KLHL1: variants seen among roughly 807,000 people sequenced by gnomAD.
KLHL1 encodes the protein kelch like family member 1.
Under a neutral mutation model 77.7 loss-of-function variants are expected in KLHL1, and 47 were observed. The ratio of observed to expected loss-of-function variants is 0.60; its 90% CI spans 0.48 to 0.77. KLHL1 has a LOEUF of 0.77. Among genes scored for constraint, KLHL1 ranks in the 30% least tolerant of loss-of-function variants. KLHL1 has a pLI of 0.00. For synonymous variants in KLHL1, 360 were observed against 325.2 expected, an observed-to-expected ratio of 1.11 and a Z score of -1.15; for missense variants, 925 against 910.8, an observed-to-expected ratio of 1.02 and a Z score of -0.20.
intron 9 of KLHL1, among the ~76,000 whole-genome samples, chr13:69,709,436 G>A (rs979598313): frequency 3.9e-5 from 6 of 151,990 alleles, no homozygotes; most frequent in African/African-American, 1.4e-4. Flanking sequence ...AAAAGATAAA[G>A]AGTAAATAAT....
chr13:69,771,325 G>A (rs1005637004), intron 7 of KLHL1, among the ~76,000 whole-genome samples: 9 of 149,354 alleles, frequency 6.0e-5, no homozygotes, highest in Non-Finnish European at 1.2e-4. Flanking sequence ...TTATAATAAT[G>A]GCAACTTTTT....
At chr13:69,853,585 T>A (rs896492235) in intron 5 of KLHL1, among the ~76,000 whole-genome samples, 1 of 152,026 alleles carries the variant, frequency 6.6e-6, no homozygotes, top group African/African-American at 2.4e-5. Context: ...AGAAAGTCAT[T>A]GCAAGCAGCT....
At chr13:70,036,352 T>G (rs968184054) in intron 1 of KLHL1, among the ~76,000 whole-genome samples, 1 of 152,030 alleles carries the variant, frequency 6.6e-6, no homozygotes, top group Non-Finnish European at 1.5e-5. Flanking sequence ...CATGTTCATA[T>G]ATGAAGAAAA....
chr13:69,971,625 A>G (rs1884383174), intron 2 of KLHL1, among the ~76,000 whole-genome samples: 1 of 152,012 alleles, frequency 6.6e-6, no homozygotes. Flanking sequence ...AATTTCTCTG[A>G]AAAACTTTCA....
rs1162540582 is a variant in KLHL1 at position 69,866,147 on chromosome 13, G to A, written c.1227+16136C>T. Among the ~76,000 whole-genome samples, 3 of 152,194 alleles carry A rather than the reference G, an allele frequency of 2.0e-5. No homozygotes were observed. In the East Asian group the frequency reaches 5.8e-4, roughly 29 times the overall value. ...CTTATTCTTAGGCTTCTTTTGAAAA[G>A]AGTACAGCACTTATGCTGAATTGCG... On this transcript the variant is annotated intron_variant, in intron 5 of 10. Coordinates refer to ENST00000377844, the MANE Select transcript of KLHL1 (RefSeq NM_020866.3).
intron 7 of KLHL1, among the ~76,000 whole-genome samples, chr13:69,742,987 T>A (rs564188223): frequency 4.0e-4 from 61 of 152,230 alleles, no homozygotes; most frequent in African/African-American, 1.4e-3. Context: ...AGATGGAGAC[T>A]AAAGTGAAAA....
intron 8 of KLHL1, among the ~76,000 whole-genome samples, chr13:69,736,962 T>C (rs1240569866): frequency 6.6e-6 from 1 of 152,008 alleles, no homozygotes; most frequent in South Asian, 2.1e-4. Flanking sequence ...AAATGGCAAG[T>C]GAATTCTGCA....
intron 3 of KLHL1, among the ~76,000 whole-genome samples, chr13:69,956,300 T>C (rs1883886819): frequency 6.6e-6 from 1 of 150,394 alleles, no homozygotes; most frequent in Non-Finnish European, 1.5e-5. Context: ...CATATTGTTT[T>C]TCAGACCCCA....
intron 4 of KLHL1, among the ~76,000 whole-genome samples, chr13:69,912,557 A>AT (rs946702349): frequency 2.0e-5 from 3 of 151,792 alleles, no homozygotes; most frequent in South Asian, 2.1e-4. Flanking sequence ...TTCTTTTTAA[A>AT]TTTTTTTTTA....
chr13:69,947,287 G>A (rs1258971518), intron 3 of KLHL1, among the ~76,000 whole-genome samples: 3 of 151,986 alleles, frequency 2.0e-5, no homozygotes, highest in Admixed American at 6.6e-5. Flanking sequence ...CACATAGTTT[G>A]GCTTGGGTGT....
At chr13:69,822,197 C>CAAAAAAA (rs35346749) in intron 6 of KLHL1, among the ~76,000 whole-genome samples, 1,493 of 78,234 alleles carry the variant, frequency 0.019, 30 homozygotes, top group African/African-American at 0.063. Flanking sequence ...GACTCCATCT[C>CAAAAAAA]AAAAAAAAAA....
At chr13:70,098,089 T>C (rs373016175) in intron 1 of KLHL1, among the ~76,000 whole-genome samples, 2 of 151,884 alleles carry the variant, frequency 1.3e-5, no homozygotes, top group Non-Finnish European at 2.9e-5. Flanking sequence ...GCATTTTCTA[T>C]CTAGTTTCAT....
intron 1 of KLHL1, among the ~76,000 whole-genome samples, chr13:70,054,604 A>T (rs1886700725): frequency 6.6e-6 from 1 of 152,098 alleles, no homozygotes; most frequent in South Asian, 2.1e-4. Flanking sequence ...TGACATAAAT[A>T]TGTAACCTTT....
chr13:70,024,420 A>G (rs1486654978), intron 1 of KLHL1, among the ~76,000 whole-genome samples: 2 of 151,892 alleles, frequency 1.3e-5, no homozygotes, highest in African/African-American at 4.8e-5. Context: ...GGGACTTGCC[A>G]TGAGTGTTTT....
At chr13:69,927,893 C>T (rs1384745358) in intron 4 of KLHL1, among the ~76,000 whole-genome samples, 3 of 152,016 alleles carry the variant, frequency 2.0e-5, no homozygotes, top group African/African-American at 7.2e-5. Flanking sequence ...GCACATACAC[C>T]CCCAAATGAA....
chr13:69,882,137 C>G, intron 5 of KLHL1, 146 bp downstream of exon 5: 1 of 627,682 alleles, frequency 1.6e-6, no homozygotes, highest in Non-Finnish European at 2.8e-6. Flanking sequence ...ACATCATTTT[C>G]CACCATCAAA....
At chr13:69,988,112 T>C (rs757289527) in intron 1 of KLHL1, among the ~76,000 whole-genome samples, 8 of 151,844 alleles carry the variant, frequency 5.3e-5, no homozygotes, top group Non-Finnish European at 1.2e-4. Context: ...CTCTCCTTCC[T>C]CCCATCCTAC....
At chr13:69,978,741 C>T (rs1192718667) in intron 1 of KLHL1, among the ~76,000 whole-genome samples, 2 of 152,082 alleles carry the variant, frequency 1.3e-5, no homozygotes, top group African/African-American at 2.4e-5. Context: ...CCCGCCTTGG[C>T]CCCCCAAAGT....
At chr13:69,827,384 A>T (rs1413862848) in intron 6 of KLHL1, among the ~76,000 whole-genome samples, 2 of 152,018 alleles carry the variant, frequency 1.3e-5, no homozygotes, top group Non-Finnish European at 2.9e-5. Context: ...AATAAAAATA[A>T]TATAATAAGA....
Sources: allele counts gnomAD v4.1 joint callset (sites outside exome capture counted in the v4.1 genomes callset), GRCh38; gene constraint gnomAD v4.1.1; transcripts MANE v1.5; gene names NCBI Gene and HGNC (gene_info 2026-07-23, HGNC 2026-07-21).